NOP2: variants seen among roughly 807,000 people sequenced by gnomAD.
NOP2 encodes NOP2 nucleolar protein, also known as 28S rRNA (cytosine(4447)-C(5))-methyltransferase.
Under a neutral mutation model 72.7 loss-of-function variants are expected in NOP2, and 7 were observed. The observed-to-expected ratio is 0.10, with a 90% confidence interval of 0.05 to 0.18. NOP2 has a LOEUF of 0.18. NOP2 is among the 10% of genes least tolerant of loss of function. The probability of loss-of-function intolerance (pLI) is 1.00; values close to 1 mark genes in which losing one functional copy is unlikely to be tolerated. For synonymous variants in NOP2, 387 were observed against 388.0 expected, an observed-to-expected ratio of 1.00 and a Z score of 0.03; for missense variants, 954 against 1,014.7, an observed-to-expected ratio of 0.94 and a Z score of 0.81.
At chr12:6,564,027 T>G in intron 5 of NOP2, 81 bp from the exon 6 acceptor site, 1 of 1,551,538 alleles carries the variant, frequency 6.4e-7, no homozygotes, top group East Asian at 2.4e-5. Flanking sequence ...ATCTTATTTT[T>G]TCGCTAAATA....
Position 6,560,791 on chromosome 12 carries a change from G to A in NOP2, c.1348-4C>T, listed in dbSNP as rs747231828. The A allele has an allele frequency of 6.2e-7, 1 of 1,612,248 alleles. No homozygotes were observed. On this transcript the variant is annotated splice_polypyrimidine_tract_variant and splice_region_variant and intron_variant, in intron 12 of 15. Transcript: ENST00000322166. The surrounding 1 kb of genome is among the most constrained non-coding windows in gnomAD (Gnocchi z 5.0). ...CTCGGTCAAAGCCCCCCACCACCTG[G>A]AGAAAAGATACAGATGAATCATATG... is the stretch of plus-strand genomic sequence containing the variant.
At position 6,563,147 on chromosome 12, in the gene NOP2, A is replaced by G. The variant is rs1947691156; in HGVS notation, c.912T>C (p.Asn304=). ...GGAGGGTGACGGGCCGAGGCACCTC[A>G]TTAGCTTCTAAGAACTCCACCAGCT... ...LSELVEFLEA[N]EVPRPVTLRT... is the part of the protein sequence containing the mutation. The change falls in exon 9 of 16, where the codon AAT becomes AAC. Residue 304 remains asparagine (N), a synonymous_variant. Coordinates refer to ENST00000322166, the MANE Select transcript of NOP2 (RefSeq NM_001258308.2). 6.3e-7 allele frequency: 1 copy of G among 1,595,838 alleles called. No individual in the cohort carries two copies. The highest frequency in any genetic ancestry group is 8.5e-7 in the Non-Finnish European group (1 of 1,171,418).
intron 15 of NOP2, among the ~76,000 whole-genome samples, chr12:6,559,864 G>T (rs1157745998): frequency 1.3e-5 from 2 of 152,218 alleles, no homozygotes; most frequent in Non-Finnish European, 2.9e-5. Flanking sequence ...GCAGCCACTT[G>T]GCAGAATAAA....
At chr12:6,568,002 T>C (rs112316941) in intron 1 of NOP2, 80 bp from the exon 2 acceptor site, 3 of 1,111,612 alleles carry the variant, frequency 2.7e-6, no homozygotes, top group African/African-American at 1.5e-5. Flanking sequence ...CGTATTATAG[T>C]GGGAAAGGGC....
rs762005833 is a variant in NOP2 at position 6,566,176 on chromosome 12, G to A, written c.399C>T (p.Gly133=). The change falls in exon 5 of 16, where the codon GGC becomes GGT. Residue 133 remains glycine, a synonymous_variant. Transcript: ENST00000322166. ...CTACCGTATCAGCATCGTCCTCGGA[G>A]CCCCAGAGGTCCCCGTGGTTCACCA... ...DGMVNHGDLW[G]SEDDADTVDD... 3 of 1,613,968 alleles carry A rather than the reference G, an allele frequency of 1.9e-6. No individual in the cohort carries two copies. Among genetic ancestry groups the A allele is most frequent in the Non-Finnish European group, 2.5e-6 (3 of 1,179,888 alleles).
At chr12:6,562,942 C>G (rs1207285834) in intron 9 of NOP2, 139 bp downstream of exon 9, 1 of 796,890 alleles carries the variant, frequency 1.3e-6, no homozygotes. Flanking sequence ...CCAGAGACAT[C>G]AGGCCTCTGG....
intron 5 of NOP2, among the ~76,000 whole-genome samples, chr12:6,565,362 ACAGAGTCTCACTTTGTTGCCCAGG>A (rs1363173840): frequency 6.6e-6 from 1 of 150,564 alleles, no homozygotes; most frequent in Non-Finnish European, 1.5e-5. Flanking sequence ...TTTTTTTGAG[ACAGAGTCTCACTTTGTTGCCCAGG>A]CTGGAGTGCA....
chr12:6,557,111 TTC>T lies in NOP2; in HGVS notation c.2319_2320del (p.Asn774Ter), dbSNP rs1447578805. 2.5e-6 allele frequency: 4 copies of T among 1,613,828 alleles called. No homozygotes were observed. Among genetic ancestry groups the T allele is most frequent in the East Asian group, 2.2e-5 (1 of 44,888 alleles). On this transcript the variant is annotated frameshift_variant, in exon 16 of 16. Coordinates refer to ENST00000322166, the MANE Select transcript of NOP2 (RefSeq NM_001258308.2). LOFTEE classifies it low-confidence loss of function (END_TRUNC). Reference sequence around the variant, plus strand: ...AGGCTGAGGCCCCTTGGGGGTATCATTCTGTTTCTGGAAGGCAGCTTTCTCAA... The same window carrying T: ...AGGCTGAGGCCCCTTGGGGGTATCATTGTTTCTGGAAGGCAGCTTTCTCAA...
intron 4 of NOP2, 29 bp from the exon 5 acceptor site, chr12:6,566,365 G>A (rs1170475170): frequency 1.3e-6 from 2 of 1,577,386 alleles, no homozygotes; most frequent in South Asian, 2.2e-5. Flanking sequence ...CTGGACTAAT[G>A]GCAGCCACAC....
In NOP2 at chr12:6,557,492, A is replaced by T; in HGVS notation, c.1940T>A (p.Phe647Tyr). The T allele has an allele frequency of 3.1e-6, 5 of 1,613,834 alleles. No individual in the cohort carries two copies. The highest frequency in any genetic ancestry group is 4.2e-6 in the Non-Finnish European group (5 of 1,179,862). The stretch of plus-strand genomic sequence containing the variant: ...TTTGGAGATGCCATTCAGCTTCTGG[A>T]AGGAGGCCTTCTTGGGATGTTGCTG... The part of the protein sequence containing the change: ...QKQQHPKKAS[F>Y]QKLNGISKGA... Residue 647 changes from phenylalanine (F) to tyrosine (Y), a missense_variant, in exon 16 of 16, where the codon TTC becomes TAC. Transcript: ENST00000322166.
In NOP2 at chr12:6,557,349, T is replaced by TC. The variant is rs1947514263; in HGVS notation, c.2082dup (p.Thr695AspfsTer10). The TC allele has an allele frequency of 1.2e-6, 2 of 1,613,932 alleles. No individual in the cohort carries two copies. The highest frequency in any genetic ancestry group is 1.6e-4 in the Middle Eastern group (1 of 6,084). On this transcript the variant is annotated frameshift_variant, in exon 16 of 16. Coordinates refer to ENST00000322166, the MANE Select transcript of NOP2 (RefSeq NM_001258308.2). LOFTEE classifies it low-confidence loss of function (END_TRUNC). ...GGTGATCGTTGCTTTAGCTTCCCAG[T>TC]CACCTTTGGCTCCCTGATCCCTTCG...
Position 6,566,333 on chromosome 12 carries a change from A to T in NOP2, c.242T>A (p.Ile81Asn). ...KPLPGKLPKGISAGAVQTAGK... is the reference protein window; with the variant it reads ...KPLPGKLPKGNSAGAVQTAGK... ...AGCTGTCTGGACAGCTCCTGCAGAG[A>T]TCCCTAAGGGTTTGAAGAGTCCTGG... The change falls in exon 5 of 16, where the codon ATC becomes AAC. Residue 81 changes from isoleucine (I) to asparagine (N), a missense_variant. Ile to Asn is a moderately radical substitution (Grantham distance 149, BLOSUM62 -3). Coordinates refer to ENST00000322166, the MANE Select transcript of NOP2 (RefSeq NM_001258308.2). The T allele has an allele frequency of 6.2e-7, 1 of 1,612,328 alleles. No homozygotes were observed. The highest frequency in any genetic ancestry group is 8.5e-7 in the Non-Finnish European group (1 of 1,179,154).
rs763360596 is a variant in NOP2 at position 6,557,018 on chromosome 12, C to T, written c.2414G>A (p.Gly805Asp). The T allele has an allele frequency of 5.0e-6, 8 of 1,613,874 alleles. No individual in the cohort carries two copies. The East Asian group carries it at 8.9e-5, about 18-fold the overall frequency. Residue 805 changes from glycine to aspartate, a missense_variant, in exon 16 of 16, where the codon GGC (glycine) becomes GAC (aspartate). Around this residue, in one of 3 missense-constraint regions of NOP2, gnomAD observed 269 missense variants for 260.2 expected, o/e 1.03. Coordinates refer to ENST00000322166, the MANE Select transcript of NOP2 (RefSeq NM_001258308.2). The part of the protein sequence containing the change: ...PAKRKKSQSR[G>D]NSQLLLS ...CTAAGATAGCAGCAGCTGGCTGTTG[C>T]CCCTGGACTGAGATTTCTTCCTCTT...
chr12:6,564,204 A>T (rs746149983), intron 5 of NOP2: 2 of 961,182 alleles, frequency 2.1e-6, no homozygotes, highest in South Asian at 1.4e-5. Flanking sequence ...TGAACCCGGG[A>T]GGTGGAGGTT....
At chr12:6,565,434 A>G (rs1025404552) in intron 5 of NOP2, among the ~76,000 whole-genome samples, 2 of 151,990 alleles carry the variant, frequency 1.3e-5, no homozygotes, top group African/African-American at 4.8e-5. Context: ...TCCGCCTCAC[A>G]GGTTCAAGCA....
chr12:6,567,294 C>T (rs1338783383), intron 2 of NOP2, among the ~76,000 whole-genome samples: 1 of 152,112 alleles, frequency 6.6e-6, no homozygotes, highest in Non-Finnish European at 1.5e-5. Flanking sequence ...AATACAGTGC[C>T]CAGGACTTCC....
chr12:6,565,155 ATTTT>A (rs34342403), intron 5 of NOP2, among the ~76,000 whole-genome samples: 9 of 135,986 alleles, frequency 6.6e-5, no homozygotes, highest in South Asian at 2.3e-4. Context: ...GGAAGCAGTT[ATTTT>A]TTTTTTTTTT....
chr12:6,560,056 A>T lies in NOP2; in HGVS notation c.1789+42T>A. 1.4e-6 allele frequency: 2 copies of T among 1,451,662 alleles called. No homozygotes were observed. The highest frequency in any genetic ancestry group is 1.9e-6 in the Non-Finnish European group (2 of 1,034,174). The allele number at this position is 1,451,662 out of a possible 1,614,324, so 89.9% of individuals were successfully genotyped here. On this transcript the variant is annotated intron_variant, in intron 15 of 15. Coordinates refer to ENST00000322166, the MANE Select transcript of NOP2 (RefSeq NM_001258308.2). This position sits in a 1 kb window ranked among gnomAD's most constrained non-coding sequence, Gnocchi z 5.0. ...ACCATAAAGCCTCCTGAAAGGTGGA[A>T]AGAGCAAAGGTGGTGACGAAGGGAA...
Position 6,560,089 on chromosome 12 carries a change from A to G in NOP2, c.1789+9T>C, listed in dbSNP as rs772249075. On this transcript the variant is annotated intron_variant, in intron 15 of 15. Transcript: ENST00000322166. The surrounding 1 kb of genome is among the most constrained non-coding windows in gnomAD (Gnocchi z 5.0). The stretch of plus-strand genomic sequence containing the variant: ...AGGTGGTGACGAAGGGAAGAAAAAG[A>G]TTACTTACCTGTCTGGGACTGAGGG... 2 of 1,594,356 alleles carry G rather than the reference A, an allele frequency of 1.3e-6. No homozygotes were observed. The highest frequency in any genetic ancestry group is 1.1e-5 in the South Asian group (1 of 90,660).
Sources: gnomAD v4.1 joint callset for allele counts (sites outside exome capture counted in the v4.1 genomes callset) on GRCh38, gnomAD v4.1.1 for gene constraint, gnomAD v4.1.1 regional missense constraint, Gnocchi (gnomAD v3.1) non-coding constraint, MANE v1.5 for transcripts, NCBI Gene and HGNC (gene_info 2026-07-23, HGNC 2026-07-21) for gene names.